TNRC6C: variants seen among roughly 807,000 people sequenced by gnomAD.
TNRC6C encodes the protein trinucleotide repeat containing adaptor 6C.
A neutral mutation model predicts 153.7 loss-of-function variants in TNRC6C; 20 were observed. The observed-to-expected ratio is 0.13, with a 90% CI of 0.09 to 0.19. The LOEUF (loss-of-function observed/expected upper bound fraction) is 0.19, where lower values mean the gene tolerates loss of function less well. TNRC6C is among the 10% of genes least tolerant of loss of function. TNRC6C has a pLI of 1.00. For synonymous variants in TNRC6C, 811 were observed against 841.4 expected, an observed-to-expected ratio of 0.96 and a Z score of 0.63; for missense variants, 1,987 against 2,172.0, an observed-to-expected ratio of 0.91 and a Z score of 1.69.
intron 2 of TNRC6C, among the ~76,000 whole-genome samples, chr17:78,039,157 G>A (rs114327149): frequency 2.5e-3 from 380 of 152,316 alleles, no homozygotes; most frequent in African/African-American, 9.0e-3. Context: ...GACTGTATTC[G>A]TTACAGAACA....
chr17:78,056,995 T>C (rs1487568103), intron 3 of TNRC6C, among the ~76,000 whole-genome samples: 1 of 152,118 alleles, frequency 6.6e-6, no homozygotes, highest in Non-Finnish European at 1.5e-5. Context: ...CCTGCAACTT[T>C]TGCAGCCTGT....
chr17:78,073,190 G>A, intron 7 of TNRC6C, 96 bp downstream of exon 9: 2 of 1,083,772 alleles, frequency 1.8e-6, no homozygotes, highest in South Asian at 1.6e-5. Context: ...TGGTTAATAT[G>A]TCCTGGGTAG....
chr17:78,067,395 T>G (rs979940754), intron 4 of TNRC6C, among the ~76,000 whole-genome samples: 1 of 152,150 alleles, frequency 6.6e-6, no homozygotes, highest in Non-Finnish European at 1.5e-5. Context: ...AATGAAATGT[T>G]TTAGGAATCT....
rs1322903502 is a variant in TNRC6C at position 78,049,802 on chromosome 17, C to A, written c.740C>A (p.Ser247Tyr). 1 of 1,605,244 alleles carries A rather than the reference C, an allele frequency of 6.2e-7. No individual in the cohort carries two copies. The highest frequency in any genetic ancestry group is 8.5e-7 in the Non-Finnish European group (1 of 1,174,502). The change falls in exon 3 of 20, where the codon TCT becomes TAT. Residue 247 changes from serine to tyrosine, a missense_variant. By Grantham distance (144) the Ser-to-Tyr change is moderately radical. This residue lies in a region of TNRC6C where 1,052 missense variants were observed against 1,017.0 expected (regional missense o/e 1.03). Coordinates refer to ENST00000301624, the Ensembl canonical transcript of TNRC6C. This position sits in a 1 kb window ranked among gnomAD's most constrained non-coding sequence, Gnocchi z 4.1. ...GGCAGTGCTGAAGGAATAAGCAATTCTGTGTGGGGACTGTCCCCAGGTAAC... is the reference window on the plus strand; with the variant it reads ...GGCAGTGCTGAAGGAATAAGCAATTATGTGTGGGGACTGTCCCCAGGTAAC...
chr17:78,084,668 G>T (rs1484986135), intron 11 of TNRC6C, among the ~76,000 whole-genome samples: 4 of 128,894 alleles, frequency 3.1e-5, no homozygotes, highest in South Asian at 2.4e-4. Context: ...TTGCTCTGTT[G>T]CCCAGGCTGG....
intron 1 of TNRC6C, among the ~76,000 whole-genome samples, chr17:78,017,599 G>A (rs1267842066): frequency 6.6e-6 from 1 of 152,238 alleles, no homozygotes; most frequent in East Asian, 1.9e-4. Flanking sequence ...CTCTGAAACT[G>A]GAGGCTCCAG....
At chr17:77,972,735 A>G (rs1418076761) in intron 1 of TNRC6C, among the ~76,000 whole-genome samples, 1 of 152,154 alleles carries the variant, frequency 6.6e-6, no homozygotes, top group Admixed American at 6.5e-5. Flanking sequence ...CACAAAGAAA[A>G]TCCAGGTTAT....
At chr17:78,023,329 T>C (rs557431326) in intron 1 of TNRC6C, among the ~76,000 whole-genome samples, 74 of 152,330 alleles carry the variant, frequency 4.9e-4, no homozygotes, top group African/African-American at 1.6e-3. Flanking sequence ...GTGTCAGTTA[T>C]TTACAAAAGA....
At position 78,091,226 on chromosome 17, in the gene TNRC6C, T is replaced by C. The variant is rs1598783188; in HGVS notation, c.3803-214T>C. The C allele has an allele frequency of 7.5e-6, 3 of 401,606 alleles. No homozygotes were observed. In the East Asian group the frequency reaches 1.2e-4, roughly 16 times the overall value. The allele number at this position is 401,606 out of a possible 1,614,324, so 24.9% of individuals were successfully genotyped here. On this transcript the variant is annotated intron_variant, in intron 13 of 19. Transcript: ENST00000301624. ...GCTGTATCCCAGCTACTTGGGAGGC[T>C]GAGGCAGGAGAATCGCTTGAACCTG...
intron 1 of TNRC6C, among the ~76,000 whole-genome samples, chr17:78,017,117 T>G (rs559188768): frequency 1.2e-3 from 181 of 152,280 alleles, no homozygotes; most frequent in Admixed American, 2.3e-3. Flanking sequence ...GAGGGAAAGA[T>G]AGGTGGGGCT....
chr17:77,960,609 C>A (rs921755531), intron 1 of TNRC6C, among the ~76,000 whole-genome samples: 1 of 152,118 alleles, frequency 6.6e-6, no homozygotes. Flanking sequence ...TTCATAGATT[C>A]CGGATTTCCT....
chr17:78,039,156 C>T (rs1598720755), intron 2 of TNRC6C, among the ~76,000 whole-genome samples: 1 of 152,176 alleles, frequency 6.6e-6, no homozygotes, highest in African/African-American at 2.4e-5. Context: ...TGACTGTATT[C>T]GTTACAGAAC....
intron 1 of TNRC6C, among the ~76,000 whole-genome samples, chr17:77,978,674 C>T (rs903356511): frequency 6.6e-6 from 1 of 152,060 alleles, no homozygotes; most frequent in Non-Finnish European, 1.5e-5. Context: ...GCAGAGTTTT[C>T]AATAGATGTC....
At chr17:78,015,286 T>C (rs2071706854) in intron 1 of TNRC6C, among the ~76,000 whole-genome samples, 1 of 152,238 alleles carries the variant, frequency 6.6e-6, no homozygotes, top group Non-Finnish European at 1.5e-5. Flanking sequence ...AATAACGTCC[T>C]GTTGACAGAG....
intron 1 of TNRC6C, among the ~76,000 whole-genome samples, chr17:78,029,886 A>T (rs1449204763): frequency 6.6e-6 from 1 of 151,280 alleles, no homozygotes; most frequent in Non-Finnish European, 1.5e-5. Context: ...ACTATCTTCC[A>T]CCTCCACATC....
At chr17:77,959,957 T>TC (rs561880464) in intron 1 of TNRC6C, among the ~76,000 whole-genome samples, 95 of 152,272 alleles carry the variant, frequency 6.2e-4, no homozygotes, top group African/African-American at 2.2e-3. Context: ...ATGTGGGGGT[T>TC]CCCTGCCTGT....
At position 77,991,685 on chromosome 17, in the gene TNRC6C, G is replaced by C. The variant is rs183826345; in HGVS notation, c.-37-12485G>C. ...ATTTTGGGGTCTCTTTATTATAGCAGCTTCGCTTTTACTCTAACTGATATA... is the reference window on the plus strand; with the variant it reads ...ATTTTGGGGTCTCTTTATTATAGCACCTTCGCTTTTACTCTAACTGATATA... On this transcript the variant is annotated intron_variant, in intron 1 of 22. Coordinates refer to the TNRC6C transcript ENST00000636222. Among the ~76,000 whole-genome samples, 975 of 152,230 alleles carry C rather than the reference G, an allele frequency of 6.4e-3. 32 individuals are homozygous for C. Among genetic ancestry groups the C allele is most frequent in the Admixed American group, 0.057 (865 of 15,288 alleles).
chr17:78,067,752 T>C lies in TNRC6C; in HGVS notation c.2612-5T>C. ...TTGATAAGTTCATGTTTGCTCTGTT[T>C]CTAGCTTCAAAATCTATGCAAGAAG... On this transcript the variant is annotated splice_polypyrimidine_tract_variant and splice_region_variant and intron_variant, in intron 4 of 19. Coordinates refer to ENST00000301624, the Ensembl canonical transcript of TNRC6C. 1.2e-6 allele frequency: 2 copies of C among 1,604,050 alleles called. No individual in the cohort carries two copies. Among genetic ancestry groups the C allele is most frequent in the Middle Eastern group, 1.7e-4 (1 of 5,980 alleles).
exon 13 of TNRC6C, chr17:78,086,857 C>T (rs763651945): frequency 8.1e-6 from 13 of 1,611,410 alleles, no homozygotes; most frequent in Admixed American, 1.7e-5. Context: ...TGCCAGGTTG[C>T]GCGCACAATC....
Sources: gnomAD v4.1 joint callset for allele counts (sites outside exome capture counted in the v4.1 genomes callset) on GRCh38, gnomAD v4.1.1 for gene constraint, gnomAD v4.1.1 regional missense constraint, Gnocchi (gnomAD v3.1) non-coding constraint, MANE v1.5 for transcripts, NCBI Gene and HGNC (gene_info 2026-07-23, HGNC 2026-07-21) for gene names.